The following AFF1 variants were observed in gnomAD, a reference collection of about 807,000 sequenced individuals.
AFF1 encodes ALF transcription elongation factor 1, also known as AF4/FMR2 family member 1.
Under a neutral mutation model 121.7 loss-of-function variants are expected in AFF1, and 48 were observed. That is an observed-to-expected ratio of 0.39 (90% CI 0.31 to 0.50). The LOEUF is 0.50. AFF1 is among the 20% of genes least tolerant of loss of function. AFF1 has a pLI of 0.76. For missense variants in AFF1, 1,523 were observed against 1,511.7 expected (o/e 1.01, Z -0.12); for synonymous variants, 613 against 563.0 (o/e 1.09, Z -1.26).
In AFF1 at chr4:86,985,181, C is replaced by CTATA. The variant is rs55891819; in HGVS notation, c.38+36641_38+36644dup. Among the ~76,000 whole-genome samples, 906 of 96,396 alleles carry CTATA rather than the reference C, an allele frequency of 9.4e-3. 25 individuals carry two copies. Among genetic ancestry groups the CTATA allele is most frequent in the African/African-American group, 0.029 (576 of 19,790 alleles). 63.2% of individuals were successfully genotyped at this position (96,396 alleles called of 152,430 possible). On this transcript the variant is annotated intron_variant, in intron 2 of 20. Transcript: ENST00000395146. ...AATATAATATATATAATATGTATTA[C>CTATA]TATATATATATATATATATATATAT...
intron 6 of AFF1, 62 bp downstream of exon 6, chr4:87,090,132 T>C (rs1294207599): frequency 3.8e-6 from 5 of 1,316,122 alleles, no homozygotes; most frequent in South Asian, 2.4e-5. Flanking sequence ...AAGGCATTGC[T>C]GTGAGGCAGA....
chr4:87,100,641 G>C (rs1725343028), intron 8 of AFF1, among the ~76,000 whole-genome samples: 1 of 152,150 alleles, frequency 6.6e-6, no homozygotes, highest in Non-Finnish European at 1.5e-5. Flanking sequence ...TCGGCTCAGA[G>C]TTGTAGCCAT....
At chr4:87,029,807 A>G (rs1055885538) in intron 2 of AFF1, among the ~76,000 whole-genome samples, 3 of 152,232 alleles carry the variant, frequency 2.0e-5, no homozygotes, top group Admixed American at 1.3e-4. Flanking sequence ...ACTTCCATCA[A>G]CACACACTTC....
intron 2 of AFF1, chr4:86,949,757 G>A: frequency 6.2e-7 from 1 of 1,611,108 alleles, no homozygotes; most frequent in Non-Finnish European, 8.5e-7. Context: ...GGCCCAGATG[G>A]TCATCTGGGT....
At chr4:86,962,165 T>C (rs1220873829) in intron 2 of AFF1, among the ~76,000 whole-genome samples, 4 of 86,138 alleles carry the variant, frequency 4.6e-5, no homozygotes, top group South Asian at 4.1e-4. Context: ...TTTTTTTTTT[T>C]CCTGTCTCAT....
At chr4:87,047,667 G>T in intron 4 of AFF1, 73 bp downstream of exon 4, 1 of 1,590,218 alleles carries the variant, frequency 6.3e-7, no homozygotes, top group South Asian at 1.1e-5. Context: ...CGGAGGATGT[G>T]GGGCAAGGTG....
intron 2 of AFF1, among the ~76,000 whole-genome samples, chr4:86,989,899 T>A (rs1724565416): frequency 6.6e-6 from 1 of 152,072 alleles, no homozygotes; most frequent in Non-Finnish European, 1.5e-5. Context: ...AGCTGGAAAC[T>A]ATCATTCTCA....
intron 2 of AFF1, among the ~76,000 whole-genome samples, chr4:87,006,063 C>G (rs971908203): frequency 6.6e-6 from 1 of 152,206 alleles, no homozygotes; most frequent in Non-Finnish European, 1.5e-5. Context: ...CCTTGGGCCT[C>G]CCTCCCAGCA....
At chr4:86,949,636 G>A in intron 2 of AFF1, 1 of 1,494,940 alleles carries the variant, frequency 6.7e-7, no homozygotes. Flanking sequence ...CCACCGGGTT[G>A]AGGGGCTGAG....
chr4:87,069,298 A>G (rs1485999464), intron 4 of AFF1, among the ~76,000 whole-genome samples: 1 of 78,218 alleles, frequency 1.3e-5, no homozygotes, highest in South Asian at 3.7e-4. Flanking sequence ...TTTTTTGGCT[A>G]CCACTAGAGG....
chr4:87,026,990 A>G, intron 2 of AFF1, among the ~76,000 whole-genome samples: 1 of 152,198 alleles, frequency 6.6e-6, no homozygotes, highest in Admixed American at 6.5e-5. Context: ...TGGTTTCTTT[A>G]TAGGCCCTAA....
chr4:86,941,178 A>G (rs1027838051), intron 1 of AFF1, among the ~76,000 whole-genome samples: 62 of 152,236 alleles, frequency 4.1e-4, no homozygotes, highest in African/African-American at 1.4e-3. Flanking sequence ...GACTATCCCT[A>G]ATTTTCCAAG....
chr4:87,069,409 C>G (rs1721742179), intron 4 of AFF1, among the ~76,000 whole-genome samples: 1 of 147,388 alleles, frequency 6.8e-6, no homozygotes, highest in Admixed American at 6.9e-5. Flanking sequence ...TTTTCTGTCT[C>G]TCCCTCCCTC....
intron 2 of AFF1, among the ~76,000 whole-genome samples, chr4:86,954,178 AATC>A (rs1721579303): frequency 6.6e-6 from 1 of 152,196 alleles, no homozygotes; most frequent in Non-Finnish European, 1.5e-5. Context: ...ATTTAAATAT[AATC>A]ATATAGCATA....
intron 8 of AFF1, among the ~76,000 whole-genome samples, chr4:87,096,224 G>C (rs1420021269): frequency 6.6e-6 from 1 of 151,668 alleles, no homozygotes; most frequent in Admixed American, 6.6e-5. Flanking sequence ...GATACTGGTA[G>C]ATGATGAGGT....
At chr4:86,991,563 C>T (rs917010384) in intron 2 of AFF1, among the ~76,000 whole-genome samples, 1 of 152,122 alleles carries the variant, frequency 6.6e-6, no homozygotes. Context: ...TTTAAAATCG[C>T]TTTATAGTCA....
At chr4:87,055,777 T>G (rs761331849) in intron 4 of AFF1, among the ~76,000 whole-genome samples, 1 of 152,206 alleles carries the variant, frequency 6.6e-6, no homozygotes, top group Non-Finnish European at 1.5e-5. Flanking sequence ...TCATGAGATA[T>G]TTAAACAGTT....
At chr4:87,084,541 C>G (rs1723504861) in intron 5 of AFF1, among the ~76,000 whole-genome samples, 1 of 145,742 alleles carries the variant, frequency 6.9e-6, no homozygotes, top group Admixed American at 7.0e-5. Context: ...AGAGTTGAAA[C>G]TATGTCTCCA....
At chr4:86,941,472 A>G (rs1464801822) in intron 1 of AFF1, among the ~76,000 whole-genome samples, 6 of 152,264 alleles carry the variant, frequency 3.9e-5, no homozygotes, top group Admixed American at 3.9e-4. Context: ...GAGCCTGGCC[A>G]ACGTGATGAA....
Sources: gnomAD v4.1 joint callset for allele counts (sites outside exome capture counted in the v4.1 genomes callset) on GRCh38, gnomAD v4.1.1 for gene constraint, MANE v1.5 for transcripts, NCBI Gene and HGNC (gene_info 2026-07-23, HGNC 2026-07-21) for gene names.